Variants in PITPNM3 observed in about 807,000 individuals in gnomAD.
PITPNM3 encodes membrane-associated phosphatidylinositol transfer protein 3.
A neutral mutation model predicts 102.0 loss-of-function variants in PITPNM3; 26 were observed. The observed-to-expected ratio is 0.25, with a 90% CI of 0.19 to 0.35. The LOEUF is 0.35. Ranked by LOEUF, PITPNM3 falls within the 10% of genes least tolerant of loss-of-function variation. PITPNM3 has a pLI of 1.00. For synonymous variants in PITPNM3, 578 were observed against 558.6 expected, an observed-to-expected ratio of 1.03 and a Z score of -0.49; for missense variants, 1,083 against 1,346.1, an observed-to-expected ratio of 0.80 and a Z score of 3.06.
At chr17:6,529,930 C>A (rs76546119) in intron 2 of PITPNM3, among the ~76,000 whole-genome samples, 10 of 152,228 alleles carry the variant, frequency 6.6e-5, no homozygotes, top group Non-Finnish European at 1.3e-4. Context: ...TTCCCCTCCC[C>A]CAATGGGGGA....
rs762863730 is a variant in PITPNM3, at chr17:6,464,251, T to G, written c.2075A>C (p.Asn692Thr). 1 of 1,614,054 alleles carries G rather than the reference T, an allele frequency of 6.2e-7. No individual in the cohort carries two copies. Among genetic ancestry groups the G allele is most frequent in the African/African-American group, 1.3e-5 (1 of 74,928 alleles). The stretch of plus-strand genomic sequence containing the variant: ...ATTGTATGTGATGCGACCACTGCTG[T>G]TGGTGATCTCTGTGTCCAGGTGTAC... ...RWVHLDTEIT[N>T]SSGRITYNVP... Residue 692 changes from asparagine (N) to threonine (T), a missense_variant, in exon 16 of 20, where the codon AAC becomes ACC. Physicochemically the swap from Asn to Thr is moderately conservative, Grantham distance 65. Coordinates refer to ENST00000262483, the MANE Select transcript of PITPNM3 (RefSeq NM_031220.4).
chr17:6,462,320 G>T (rs1330661536), intron 17 of PITPNM3, among the ~76,000 whole-genome samples: 1 of 152,064 alleles, frequency 6.6e-6, no homozygotes, highest in East Asian at 1.9e-4. Flanking sequence ...CAGCTCCCCA[G>T]CGCCCTGAGG....
chr17:6,519,965 C>G (rs1371747515), intron 3 of PITPNM3, among the ~76,000 whole-genome samples: 1 of 152,106 alleles, frequency 6.6e-6, no homozygotes, highest in Non-Finnish European at 1.5e-5. Flanking sequence ...AAATATATAG[C>G]AGACTAATAA....
chr17:6,455,007 A>T lies in PITPNM3; in HGVS notation c.*331T>A. On this transcript the variant is annotated 3_prime_UTR_variant, in exon 20 of 20. Transcript: ENST00000262483. ...AGCTCGCTGTGAAGCCTGGGGACGC[A>T]GGAGGGTGGTCGACTTTGCCCAAAC... 2.8e-6 allele frequency: 1 copy of T among 354,414 alleles called. No homozygotes were observed. Among genetic ancestry groups the T allele is most frequent in the Non-Finnish European group, 5.1e-6 (1 of 194,936 alleles). 22.0% of individuals were successfully genotyped at this position (354,414 alleles called of 1,614,324 possible).
Position 6,463,712 on chromosome 17 carries a change from T to C in PITPNM3, c.2306+20A>G. On this transcript the variant is annotated intron_variant, in intron 17 of 19. Coordinates refer to ENST00000262483, the MANE Select transcript of PITPNM3 (RefSeq NM_031220.4). ...CCTGCCCCCCAGGGAGATATAGCCC[T>C]CGTGGAAGGTGGCACTCACCGGACA... The C allele has an allele frequency of 6.2e-7, 1 of 1,609,594 alleles. No individual in the cohort carries two copies. Among genetic ancestry groups the C allele is most frequent in the Non-Finnish European group, 8.5e-7 (1 of 1,179,154 alleles).
intron 4 of PITPNM3, among the ~76,000 whole-genome samples, chr17:6,484,524 C>T (rs770729614): frequency 6.6e-6 from 1 of 152,200 alleles, no homozygotes; most frequent in African/African-American, 2.4e-5. Context: ...GTGAGGCCAT[C>T]GCGGATGGTG....
intron 2 of PITPNM3, among the ~76,000 whole-genome samples, chr17:6,531,529 G>C (rs1909145835): frequency 6.6e-6 from 1 of 152,204 alleles, no homozygotes; most frequent in Non-Finnish European, 1.5e-5. Flanking sequence ...ACAATAAGGA[G>C]CTCACTCAAG....
intron 2 of PITPNM3, among the ~76,000 whole-genome samples, chr17:6,527,197 G>C (rs1392587847): frequency 2.0e-5 from 3 of 152,232 alleles, no homozygotes; most frequent in Admixed American, 2.0e-4. Flanking sequence ...GCAAGTCAAG[G>C]TGCTGTAAAC....
At position 6,455,451 on chromosome 17, in the gene PITPNM3, T is replaced by A; in HGVS notation, c.2812A>T (p.Asn938Tyr). The A allele has an allele frequency of 6.2e-7, 1 of 1,604,408 alleles. No homozygotes were observed. ...SVQQPDPPAA[N>Y]PKPERAQSQP... ...CTCTGGGCCCGCTCGGGCTTGGGGTTGGCGGCGGGCGGGTCGGGCTGCTGC... is the reference window on the plus strand; with the variant it reads ...CTCTGGGCCCGCTCGGGCTTGGGGTAGGCGGCGGGCGGGTCGGGCTGCTGC... Residue 938 changes from asparagine to tyrosine, a missense_variant, in exon 20 of 20, where the codon AAC becomes TAC. By Grantham distance (143) the Asn-to-Tyr change is moderately radical. Coordinates refer to ENST00000262483, the MANE Select transcript of PITPNM3 (RefSeq NM_031220.4).
At position 6,472,885 on chromosome 17, in the gene PITPNM3, T is replaced by G; in HGVS notation, c.1259-58A>C. On this transcript the variant is annotated intron_variant, in intron 10 of 19. Coordinates refer to ENST00000262483, the MANE Select transcript of PITPNM3 (RefSeq NM_031220.4). This position sits in a 1 kb window ranked among gnomAD's most constrained non-coding sequence, Gnocchi z 4.1. ...TTTCTAGTACCTGCTCCCTGGGCCCTAGGAGGCTCCCTGGAATGCAGCCTG... is the reference window on the plus strand; with the variant it reads ...TTTCTAGTACCTGCTCCCTGGGCCCGAGGAGGCTCCCTGGAATGCAGCCTG... 5.1e-6 allele frequency: 8 copies of G among 1,583,360 alleles called. No homozygotes were observed. Among genetic ancestry groups the G allele is most frequent in the Non-Finnish European group, 6.0e-6 (7 of 1,157,858 alleles).
At chr17:6,544,297 G>A (rs1909890040) in intron 1 of PITPNM3, among the ~76,000 whole-genome samples, 2 of 152,236 alleles carry the variant, frequency 1.3e-5, no homozygotes, top group African/African-American at 4.8e-5. Flanking sequence ...GGCCAAGGTA[G>A]GAGGATTGCT....
At position 6,477,669 on chromosome 17, in the gene PITPNM3, C is replaced by T. The variant is rs1905392837; in HGVS notation, c.900+306G>A. On this transcript the variant is annotated intron_variant, in intron 8 of 19. Transcript: ENST00000262483. ...CAAGTGATTCTCGTGCCTCAGCCTC[C>T]CAAGTAGCTGGGATTACAGGCACCC... 2.0e-5 allele frequency among the ~76,000 whole-genome samples: 3 copies of T among 152,296 alleles called. No individual in the cohort carries two copies. In the South Asian group the frequency reaches 6.2e-4, roughly 32 times the overall value.
At chr17:6,513,945 A>C (rs2150625465) in intron 3 of PITPNM3, among the ~76,000 whole-genome samples, 1 of 152,362 alleles carries the variant, frequency 6.6e-6, no homozygotes, top group East Asian at 1.9e-4. Context: ...GTGGAATAGA[A>C]CTAGGAGTCC....
At chr17:6,501,318 G>A (rs1038141841) in intron 4 of PITPNM3, among the ~76,000 whole-genome samples, 11 of 152,190 alleles carry the variant, frequency 7.2e-5, no homozygotes, top group African/African-American at 1.4e-4. Context: ...CTGGGGCCTC[G>A]CTGGCCAGGA....
At position 6,483,600 on chromosome 17, in the gene PITPNM3, A is replaced by G. The variant is rs1905879168; in HGVS notation, c.504T>C (p.His168=). ...GGATGTGGCCCAGGGCAGCAGGGAA[A>G]TGGGCTCGTGTGACCTTCTCCAGCA... ...SSVLEKVTRA[H]FPAALGHILI... is the part of the protein sequence containing the mutation. The change falls in exon 6 of 20, where the codon CAT becomes CAC. Residue 168 remains histidine, a synonymous_variant. Transcript: ENST00000262483. The G allele has an allele frequency of 6.2e-7, 1 of 1,614,094 alleles. No homozygotes were observed. The highest frequency in any genetic ancestry group is 1.7e-5 in the Admixed American group (1 of 60,018).
intron 1 of PITPNM3, among the ~76,000 whole-genome samples, chr17:6,550,926 C>T (rs1032104591): frequency 2.6e-5 from 4 of 152,324 alleles, no homozygotes; most frequent in African/African-American, 7.2e-5. Flanking sequence ...CAGAACTGAG[C>T]GGCAACAAAC....
chr17:6,535,164 C>A (rs972206900), intron 2 of PITPNM3, among the ~76,000 whole-genome samples: 2 of 151,628 alleles, frequency 1.3e-5, no homozygotes, highest in Non-Finnish European at 2.9e-5. Flanking sequence ...GGATGCCAGG[C>A]CATGCTCAAG....
intron 4 of PITPNM3, among the ~76,000 whole-genome samples, chr17:6,492,355 G>A (rs1236987262): frequency 7.2e-5 from 11 of 151,952 alleles, no homozygotes; most frequent in Non-Finnish European, 1.0e-4. Context: ...GAGCCACTGT[G>A]CCCAGCCTAT....
intron 1 of PITPNM3, among the ~76,000 whole-genome samples, chr17:6,544,650 T>TCACACACA: frequency 8.9e-6 from 1 of 112,856 alleles, no homozygotes; most frequent in Non-Finnish European, 1.8e-5. Context: ...TCTCTCTCTC[T>TCACACACA]CTCTCACACA....
Sources: gnomAD v4.1 joint callset for allele counts (sites outside exome capture counted in the v4.1 genomes callset) on GRCh38, gnomAD v4.1.1 for gene constraint, Gnocchi (gnomAD v3.1) non-coding constraint, MANE v1.5 for transcripts, NCBI Gene and HGNC (gene_info 2026-07-23, HGNC 2026-07-21) for gene names.